Variants in RGS7 observed in about 807,000 individuals in gnomAD.
The protein encoded by RGS7 is regulator of G-protein signaling 7.
A neutral mutation model predicts 81.1 loss-of-function variants in RGS7; 27 were observed. The ratio of observed to expected loss-of-function variants is 0.33; its 90% CI spans 0.25 to 0.46. The LOEUF (loss-of-function observed/expected upper bound fraction) is 0.46. RGS7 is among the 20% of genes least tolerant of loss of function. The probability of loss-of-function intolerance (pLI) is 1.00; values close to 1 mark genes in which losing one functional copy is unlikely to be tolerated. For missense variants in RGS7, 396 were observed against 607.4 expected (o/e 0.65, Z 3.66); for synonymous variants, 208 against 207.7 (o/e 1.00, Z -0.01).
chr1:241,111,642 T>C (rs1267860616), intron 2 of RGS7, among the ~76,000 whole-genome samples: 1 of 151,338 alleles, frequency 6.6e-6, no homozygotes, highest in Non-Finnish European at 1.5e-5. Flanking sequence ...AAAAGACAAG[T>C]GTAAAAACAA....
intron 2 of RGS7, among the ~76,000 whole-genome samples, chr1:241,299,336 C>T (rs1364708090): frequency 6.6e-6 from 1 of 151,778 alleles, no homozygotes; most frequent in Non-Finnish European, 1.5e-5. Flanking sequence ...TTGTGTGCCT[C>T]CTAGATGATT....
intron 2 of RGS7, among the ~76,000 whole-genome samples, chr1:241,311,736 C>G (rs2080546344): frequency 1.3e-5 from 2 of 152,106 alleles, no homozygotes; most frequent in Admixed American, 1.3e-4. Context: ...GAGAATTGCT[C>G]CCTAAGATAT....
At chr1:241,095,854 T>C (rs190001933) in intron 3 of RGS7, among the ~76,000 whole-genome samples, 86 of 152,344 alleles carry the variant, frequency 5.6e-4, no homozygotes, top group African/African-American at 2.0e-3. Context: ...TACGGTGGCA[T>C]AGAACACTGG....
intron 2 of RGS7, among the ~76,000 whole-genome samples, chr1:241,104,991 G>C (rs1008679061): frequency 6.6e-6 from 1 of 152,170 alleles, no homozygotes; most frequent in African/African-American, 2.4e-5. Context: ...ATTTGGTCTT[G>C]AGATGTTTGA....
chr1:241,204,015 C>G (rs2073706753), intron 2 of RGS7, among the ~76,000 whole-genome samples: 1 of 152,178 alleles, frequency 6.6e-6, no homozygotes, highest in Non-Finnish European at 1.5e-5. Flanking sequence ...AAATGGCCAA[C>G]AATCTGAAGA....
intron 3 of RGS7, among the ~76,000 whole-genome samples, chr1:240,995,843 C>T (rs1046096263): frequency 4.6e-5 from 7 of 150,840 alleles, no homozygotes; most frequent in Admixed American, 2.6e-4. Flanking sequence ...TATTTTCTTA[C>T]GCTTGCTTGC....
intron 2 of RGS7, among the ~76,000 whole-genome samples, chr1:241,215,953 C>T (rs2074524853): frequency 6.6e-6 from 1 of 152,198 alleles, no homozygotes; most frequent in South Asian, 2.1e-4. Context: ...AGACAAACCT[C>T]ACTGAACCTC....
At chr1:240,875,113 T>C (rs2148053261) in intron 6 of RGS7, among the ~76,000 whole-genome samples, 1 of 152,244 alleles carries the variant, frequency 6.6e-6, no homozygotes, top group Middle Eastern at 3.4e-3. Context: ...ATGGTAACTA[T>C]CATCATCCCG....
At position 240,823,863 on chromosome 1, in the gene RGS7, G is replaced by A. The variant is rs1331666155; in HGVS notation, c.684+3235C>T. ...TGGTTCGGTTTCTCTGGAGAACTCT[G>A]GCTAATACAGAATCTATTACAGTAA... On this transcript the variant is annotated intron_variant, in intron 10 of 18. Transcript: ENST00000440928. Among the ~76,000 whole-genome samples, 10 of 134,134 alleles carry A rather than the reference G, an allele frequency of 7.5e-5. No homozygotes were observed. The Admixed American group carries it at 9.0e-4, about 12-fold the overall frequency. 88.0% of individuals were successfully genotyped at this position (134,134 alleles called of 152,430 possible). A position where few individuals can be genotyped will look rare whatever the true frequency, so the allele number is the denominator to read the frequency against.
chr1:241,002,369 C>G (rs1688274739), intron 3 of RGS7, among the ~76,000 whole-genome samples: 1 of 151,548 alleles, frequency 6.6e-6, no homozygotes. Context: ...ATGGGAATGG[C>G]TTGAACCCGG....
rs771459887 is a variant in RGS7, at chr1:241,315,095, T to TTTC, written c.78+40601_78+40603dup. Among the ~76,000 whole-genome samples, 513 of 139,374 alleles carry TTTC rather than the reference T, an allele frequency of 3.7e-3. 9 individuals carry two copies. The highest frequency in any genetic ancestry group is 0.012 in the African/African-American group (451 of 36,328). The allele number at this position is 139,374 out of a possible 152,430, so 91.4% of individuals were successfully genotyped here. ...AATGAAACAGTAGAAGCTTTTTTTT[T>TTTC]TTCTTCTTCTTCTTTTTTTTTTTTT... On this transcript the variant is annotated intron_variant, in intron 2 of 18. Transcript: ENST00000440928.
intron 4 of RGS7, among the ~76,000 whole-genome samples, chr1:240,945,802 A>G (rs1409937462): frequency 6.6e-6 from 1 of 152,234 alleles, no homozygotes; most frequent in African/African-American, 2.4e-5. Context: ...GTATCATTTT[A>G]AAAATCCTAG....
intron 2 of RGS7, among the ~76,000 whole-genome samples, chr1:241,346,969 T>C (rs1431941430): frequency 6.6e-6 from 1 of 152,208 alleles, no homozygotes; most frequent in African/African-American, 2.4e-5. Context: ...TATGAATCTA[T>C]TCTCTCTACA....
At chr1:241,080,635 C>T (rs2063078767) in intron 3 of RGS7, among the ~76,000 whole-genome samples, 1 of 152,136 alleles carries the variant, frequency 6.6e-6, no homozygotes, top group South Asian at 2.1e-4. Flanking sequence ...ACTGAATTGT[C>T]CAGTGACATC....
intron 2 of RGS7, among the ~76,000 whole-genome samples, chr1:241,206,645 G>A (rs968306444): frequency 6.6e-6 from 1 of 151,974 alleles, no homozygotes; most frequent in African/African-American, 2.4e-5. Flanking sequence ...TCTTTGTCAC[G>A]GTCTTTTTCA....
chr1:240,859,911 T>A (rs1174823185), intron 9 of RGS7, among the ~76,000 whole-genome samples: 8 of 152,218 alleles, frequency 5.3e-5, no homozygotes, highest in African/African-American at 1.9e-4. Context: ...CATATTTTTA[T>A]TTTAAGCTAG....
intron 10 of RGS7, chr1:240,822,910 T>C (rs926717249): frequency 7.3e-6 from 3 of 408,414 alleles, no homozygotes; most frequent in Admixed American, 3.8e-5. Context: ...TGAGGCTGGA[T>C]AGTAATAAAC....
At chr1:240,908,889 C>A (rs1671275775) in intron 6 of RGS7, among the ~76,000 whole-genome samples, 1 of 152,214 alleles carries the variant, frequency 6.6e-6, no homozygotes, top group Admixed American at 6.5e-5. Context: ...CAGCCCAGGG[C>A]TGCAAGTGTT....
intron 3 of RGS7, among the ~76,000 whole-genome samples, chr1:241,040,492 TTTATTTAC>T (rs1041190291): frequency 9.9e-5 from 15 of 151,584 alleles, no homozygotes; most frequent in South Asian, 4.2e-4. Context: ...TATTTATTTA[TTTATTTAC>T]TTATTTATTT....
Sources: gnomAD v4.1 joint callset for allele counts (sites outside exome capture counted in the v4.1 genomes callset) on GRCh38, gnomAD v4.1.1 for gene constraint, MANE v1.5 for transcripts, NCBI Gene and HGNC (gene_info 2026-07-23, HGNC 2026-07-21) for gene names.